Variants in NDUFAF6 observed in about 807,000 individuals in gnomAD.
NDUFAF6 encodes NADH:ubiquinone oxidoreductase complex assembly factor 6.
In NDUFAF6, 45 loss-of-function variants were observed where a neutral mutation model predicts 40.8. The observed-to-expected ratio is 1.10, with a 90% CI of 0.87 to 1.42. The LOEUF (loss-of-function observed/expected upper bound fraction) is 1.42, where lower values mean the gene tolerates loss of function less well. NDUFAF6 is among the 40% of genes most tolerant of loss of function. The probability of loss-of-function intolerance (pLI) is 0.00; values close to 1 mark genes in which losing one functional copy is unlikely to be tolerated. For missense variants in NDUFAF6, 435 were observed against 418.5 expected (o/e 1.04, Z -0.34); for synonymous variants, 185 against 155.9 (o/e 1.19, Z -1.39).
intron 2 of NDUFAF6, among the ~76,000 whole-genome samples, chr8:95,035,185 G>A (rs1041018311): frequency 6.6e-6 from 1 of 151,976 alleles, no homozygotes; most frequent in African/African-American, 2.4e-5. Flanking sequence ...CTGACCAGAA[G>A]GCCATTCTTA....
rs1417716077 is a variant in NDUFAF6, at chr8:95,057,826, T to C, written c.891T>C (p.Phe297=). 1 of 1,612,748 alleles carries C rather than the reference T, an allele frequency of 6.2e-7. No homozygotes were observed. The highest frequency in any genetic ancestry group is 8.5e-7 in the Non-Finnish European group (1 of 1,179,054). Residue 297 remains phenylalanine, a synonymous_variant, in exon 9 of 9, where the codon TTT becomes TTC. Coordinates refer to ENST00000396124, the MANE Select transcript of NDUFAF6 (RefSeq NM_152416.4). Reference sequence around the variant, plus strand: ...TTTTCCAGGTTTCTCTAGAGGACTTTCTAAAGAAAATTCAGCGAGTGGATT... The same window carrying C: ...TTTTCCAGGTTTCTCTAGAGGACTTCCTAAAGAAAATTCAGCGAGTGGATT... The part of the protein sequence containing the change: ...AFLQTVSLED[F]LKKIQRVDFD...
intron 2 of NDUFAF6, among the ~76,000 whole-genome samples, chr8:95,000,632 CAA>C (rs567449511): frequency 3.1e-4 from 35 of 114,210 alleles, no homozygotes; most frequent in South Asian, 2.8e-4. Flanking sequence ...ACATAGTAAG[CAA>C]AAAAAAAAAA....
chr8:95,052,286 G>T lies in NDUFAF6; in HGVS notation c.873+56G>T. ...TTAGTGAAGCAGATGTGTATGATCT[G>T]TTTTTATATTTTATAAAGTTCCCAA... On this transcript the variant is annotated intron_variant, in intron 8 of 8. Coordinates refer to ENST00000396124, the MANE Select transcript of NDUFAF6 (RefSeq NM_152416.4). 2.6e-6 allele frequency: 4 copies of T among 1,557,492 alleles called. No homozygotes were observed. The South Asian group carries it at 3.3e-5, about 13-fold the overall frequency.
chr8:94,945,188 T>C lies in NDUFAF6; in HGVS notation c.-935-295T>C, dbSNP rs560982546. Among the ~76,000 whole-genome samples the C allele has an allele frequency of 4.3e-4, 66 of 152,328 alleles. 1 individual carries two copies. Among genetic ancestry groups the C allele is most frequent in the African/African-American group, 1.5e-3 (64 of 41,570 alleles). ...GAACAGTTAGGGTATGAATCTACTT[T>C]TTCACCTATAAATTTTACGAAGTCT... On this transcript the variant is annotated intron_variant, in intron 1 of 14. Coordinates refer to the NDUFAF6 transcript ENST00000396113.
upstream of NDUFAF6, among the ~76,000 whole-genome samples, chr8:95,024,617 C>T (rs184975744): frequency 4.0e-4 from 61 of 152,332 alleles, 1 homozygote; most frequent in African/African-American, 1.4e-3. Flanking sequence ...CAAGGCAGCC[C>T]CTGTTGAGAA....
At chr8:95,097,546 A>G (rs1375937754), upstream of NDUFAF6, among the ~76,000 whole-genome samples, 3 of 152,138 alleles carry the variant, frequency 2.0e-5, no homozygotes, top group Non-Finnish European at 4.4e-5. Flanking sequence ...AAAAATACAG[A>G]AAATTAGCCG....
chr8:94,905,288 G>GT (rs34379696), intron 1 of NDUFAF6, among the ~76,000 whole-genome samples: 4,671 of 139,672 alleles, frequency 0.033, 85 homozygotes, highest in African/African-American at 0.045. Flanking sequence ...TCCTTTTCAG[G>GT]TTTTTTTTTT....
At chr8:95,102,443 A>T (rs1409098589) in intron 2 of NDUFAF6, among the ~76,000 whole-genome samples, 1 of 152,260 alleles carries the variant, frequency 6.6e-6, no homozygotes, top group Non-Finnish European at 1.5e-5. Context: ...CTAAGGAAGA[A>T]TCTGCTACTG....
At chr8:95,100,677 A>G (rs949630454) in intron 1 of NDUFAF6, 8 of 152,248 alleles carry the variant, frequency 5.3e-5, no homozygotes, top group African/African-American at 1.9e-4. Flanking sequence ...CGCAGCTTCC[A>G]GTATGATTTA....
intron 9 of NDUFAF6, among the ~76,000 whole-genome samples, chr8:95,071,456 C>T (rs544762719): frequency 6.6e-6 from 1 of 150,778 alleles, no homozygotes; most frequent in East Asian, 2.0e-4. Context: ...ACTGCACCCT[C>T]ATTAGCCAGC....
chr8:95,038,755 G>T (rs1265395011), intron 3 of NDUFAF6, among the ~76,000 whole-genome samples: 2 of 152,060 alleles, frequency 1.3e-5, no homozygotes, highest in Non-Finnish European at 2.9e-5. Context: ...TCAGCTCACT[G>T]CAACGTCTGC....
chr8:94,982,764 T>C (rs1825548622), intron 2 of NDUFAF6, among the ~76,000 whole-genome samples: 3 of 152,232 alleles, frequency 2.0e-5, no homozygotes, highest in African/African-American at 7.2e-5. Flanking sequence ...ATAGAAACCT[T>C]GAGATTCTGG....
At chr8:95,036,057 C>A (rs1829464363) in intron 3 of NDUFAF6, among the ~76,000 whole-genome samples, 1 of 152,092 alleles carries the variant, frequency 6.6e-6, no homozygotes, top group Admixed American at 6.6e-5. Flanking sequence ...TCTAAAACTG[C>A]CTTGTCTAGT....
intron 6 of NDUFAF6, among the ~76,000 whole-genome samples, chr8:95,047,817 G>A (rs923301465): frequency 6.6e-6 from 1 of 151,882 alleles, no homozygotes; most frequent in Non-Finnish European, 1.5e-5. Flanking sequence ...CGAGAACTTT[G>A]TTTTCTATAT....
rs1313604570 is a variant in NDUFAF6, at chr8:95,032,160, A to G, written c.297+66A>G. On this transcript the variant is annotated intron_variant, in intron 2 of 8. Coordinates refer to ENST00000396124, the MANE Select transcript of NDUFAF6 (RefSeq NM_152416.4). ...TGATATAAGGTGTTTAATGCTGAACAATAAAGAAATATAGTTGTAATTTAT... is the reference window on the plus strand; with the variant it reads ...TGATATAAGGTGTTTAATGCTGAACGATAAAGAAATATAGTTGTAATTTAT... The G allele has an allele frequency of 8.5e-6, 11 of 1,291,682 alleles. No homozygotes were observed. The African/African-American group carries it at 8.7e-5, about 10-fold the overall frequency. 80.0% of individuals were successfully genotyped at this position (1,291,682 alleles called of 1,614,324 possible).
chr8:95,014,553 C>T (rs28651964), intron 2 of NDUFAF6, among the ~76,000 whole-genome samples: 19,973 of 152,190 alleles, frequency 0.13, 1,334 homozygotes, highest in Middle Eastern at 0.23. Context: ...CCCATTGTCA[C>T]AAGTAGAGAA....
intron 1 of NDUFAF6, among the ~76,000 whole-genome samples, chr8:94,922,254 C>G (rs1238850877): frequency 6.6e-6 from 1 of 152,050 alleles, no homozygotes; most frequent in African/African-American, 2.4e-5. Flanking sequence ...TTGTGATCTG[C>G]CCACCTTGGC....
At chr8:94,922,856 G>A (rs1819599112) in intron 1 of NDUFAF6, among the ~76,000 whole-genome samples, 1 of 152,166 alleles carries the variant, frequency 6.6e-6, no homozygotes, top group South Asian at 2.1e-4. Flanking sequence ...TAGGGATCTT[G>A]AGAGTAGAGA....
chr8:94,997,310 A>ACC (rs1459083463), intron 2 of NDUFAF6, among the ~76,000 whole-genome samples: 3 of 128,616 alleles, frequency 2.3e-5, no homozygotes. Flanking sequence ...ACACACACAC[A>ACC]CACACACACA....
Sources: gnomAD v4.1 joint callset for allele counts (sites outside exome capture counted in the v4.1 genomes callset) on GRCh38, gnomAD v4.1.1 for gene constraint, MANE v1.5 for transcripts, NCBI Gene and HGNC (gene_info 2026-07-23, HGNC 2026-07-21) for gene names.